ZEB1: variants seen among roughly 807,000 people sequenced by gnomAD.
ZEB1 encodes zinc finger E-box-binding homeobox 1.
Under a neutral mutation model 84.9 loss-of-function variants are expected in ZEB1, and 21 were observed. The observed-to-expected ratio is 0.25, with a 90% confidence interval of 0.18 to 0.36. The LOEUF (loss-of-function observed/expected upper bound fraction) is 0.36. Among genes scored for constraint, ZEB1 ranks in the 10% least tolerant of loss-of-function variants. The pLI is 1.00. For synonymous variants in ZEB1, 420 were observed against 471.1 expected (o/e 0.89, Z 1.41); for missense variants, 1,104 against 1,330.2 (o/e 0.83, Z 2.65).
At chr10:31,478,802 A>C (rs992564635) in intron 2 of ZEB1, among the ~76,000 whole-genome samples, 2 of 151,924 alleles carry the variant, frequency 1.3e-5, no homozygotes, top group East Asian at 1.9e-4. Flanking sequence ...TGGGAGCTAA[A>C]CAGTGGTTAC....
At chr10:31,454,239 C>G (rs930186017) in intron 1 of ZEB1, among the ~76,000 whole-genome samples, 4 of 152,012 alleles carry the variant, frequency 2.6e-5, no homozygotes, top group African/African-American at 9.7e-5. Flanking sequence ...TCCACGAGCT[C>G]TAGGTATTGA....
chr10:31,502,725 A>G (rs2068338160), intron 4 of ZEB1, among the ~76,000 whole-genome samples: 1 of 152,196 alleles, frequency 6.6e-6, no homozygotes, highest in African/African-American at 2.4e-5. Flanking sequence ...TAGTAATGCC[A>G]CTGCACGTGA....
At chr10:31,366,612 T>C (rs546491768) in intron 1 of ZEB1, among the ~76,000 whole-genome samples, 65 of 152,348 alleles carry the variant, frequency 4.3e-4, no homozygotes, top group African/African-American at 1.1e-3. Context: ...CTTTCCAGTG[T>C]TGGCAAATAT....
Position 31,512,763 on chromosome 10 carries a change from G to A in ZEB1, c.688-1840G>A, listed in dbSNP as rs772477911. ...AAAAATACAGCAGGATAAGAGGATA[G>A]AAAGTGATGAAAGCTGCTAGGTTTC... On this transcript the variant is annotated intron_variant, in intron 5 of 8. Transcript: ENST00000424869. Among the ~76,000 whole-genome samples, 61 of 152,168 alleles carry A rather than the reference G, an allele frequency of 4.0e-4. 1 individual carries two copies. The highest frequency in any genetic ancestry group is 3.9e-4 in the Admixed American group (6 of 15,272).
rs756379165 is a variant in ZEB1, at chr10:31,337,683, G to GTTTTTTT, written c.58+18407_58+18413dup. On this transcript the variant is annotated intron_variant, in intron 1 of 8. Transcript: ENST00000424869. ...AGATAAAGCTTAATAATTTCTTTCT[G>GTTTTTTT]TTTTTTTTTTTTTTTTTTTTTTGAT... Among the ~76,000 whole-genome samples, 209 of 98,786 alleles carry GTTTTTTT rather than the reference G, an allele frequency of 2.1e-3. 4 individuals are homozygous for GTTTTTTT. The highest frequency in any genetic ancestry group is 5.1e-3 in the African/African-American group (119 of 23,114). 64.8% of individuals were successfully genotyped at this position (98,786 alleles called of 152,430 possible).
intron 1 of ZEB1, among the ~76,000 whole-genome samples, chr10:31,341,166 G>T (rs1336517442): frequency 6.6e-6 from 1 of 152,126 alleles, no homozygotes; most frequent in Admixed American, 6.6e-5. Context: ...TCTGATAGCT[G>T]ATGTGAAGGA....
At chr10:31,387,708 T>C in intron 1 of ZEB1, 1 of 976,338 alleles carries the variant, frequency 1.0e-6, no homozygotes, top group Non-Finnish European at 1.2e-6. Context: ...CTGTATCTTA[T>C]CTTTACTTCA....
chr10:31,395,666 A>G (rs1448788354), intron 1 of ZEB1, among the ~76,000 whole-genome samples: 1 of 152,192 alleles, frequency 6.6e-6, no homozygotes, highest in Non-Finnish European at 1.5e-5. Flanking sequence ...AGCAGGTTGA[A>G]TGCACCTGAT....
At position 31,446,938 on chromosome 10, in the gene ZEB1, T is replaced by G. The variant is rs191021335; in HGVS notation, c.59-14099T>G. Among the ~76,000 whole-genome samples, 190 of 152,242 alleles carry G rather than the reference T, an allele frequency of 1.2e-3. 2 individuals are homozygous for G. In the East Asian group the frequency reaches 0.026, roughly 21 times the overall value. On this transcript the variant is annotated intron_variant, in intron 1 of 8. Coordinates refer to ENST00000424869, the MANE Select transcript of ZEB1 (RefSeq NM_001174096.2). ...TAGATGTCTATTAGGTCTGCTTGGTTCAGAGCTGAGTTCAATTCCCTGGGT... is the reference window on the plus strand; with the variant it reads ...TAGATGTCTATTAGGTCTGCTTGGTGCAGAGCTGAGTTCAATTCCCTGGGT...
At chr10:31,497,453 C>T (rs1195127847) in intron 3 of ZEB1, among the ~76,000 whole-genome samples, 1 of 152,044 alleles carries the variant, frequency 6.6e-6, no homozygotes, top group Non-Finnish European at 1.5e-5. Context: ...GTAAAATCTC[C>T]CCCACGTACA....
chr10:31,486,311 T>C (rs1222498823), intron 2 of ZEB1, among the ~76,000 whole-genome samples: 1 of 151,744 alleles, frequency 6.6e-6, no homozygotes, highest in African/African-American at 2.4e-5. Flanking sequence ...CTGCCAAACT[T>C]TTCCAGAGTG....
At chr10:31,460,230 A>G (rs1175689131) in intron 1 of ZEB1, among the ~76,000 whole-genome samples, 1 of 152,088 alleles carries the variant, frequency 6.6e-6, no homozygotes, top group African/African-American at 2.4e-5. Flanking sequence ...TCTATGAACT[A>G]TAGAAATCAC....
chr10:31,340,855 A>G (rs2039215637), intron 1 of ZEB1, among the ~76,000 whole-genome samples: 1 of 152,116 alleles, frequency 6.6e-6, no homozygotes, highest in Non-Finnish European at 1.5e-5. Flanking sequence ...GAGCATTGAA[A>G]TGAGAGGGCC....
At chr10:31,319,414 G>T (rs1038053400) in intron 1 of ZEB1, 122 bp downstream of exon 1, 1 of 986,934 alleles carries the variant, frequency 1.0e-6, no homozygotes, top group Non-Finnish European at 1.5e-6. Flanking sequence ...GCAAAGTGGA[G>T]TGGGAAAGTA....
Position 31,520,607 on chromosome 10 carries a change from A to G in ZEB1, c.1275A>G (p.Val425=), listed in dbSNP as rs1424544777. The G allele has an allele frequency of 6.2e-7, 1 of 1,614,032 alleles. No homozygotes were observed. The highest frequency in any genetic ancestry group is 8.5e-7 in the Non-Finnish European group (1 of 1,179,984). The change falls in exon 7 of 9, where the codon GTA becomes GTG. Residue 425 remains valine (V), a synonymous_variant. Coordinates refer to ENST00000424869, the MANE Select transcript of ZEB1 (RefSeq NM_001174096.2). The surrounding 1 kb of genome is among the most constrained non-coding windows in gnomAD (Gnocchi z 5.1). ...NVLKVAVDGN[V]IRQVLENNQA... ...TTAAAGTGGCGGTAGATGGTAATGTAATAAGGCAAGTGTTGGAGAATAATC... is the reference window on the plus strand; with the variant it reads ...TTAAAGTGGCGGTAGATGGTAATGTGATAAGGCAAGTGTTGGAGAATAATC...
intron 5 of ZEB1, among the ~76,000 whole-genome samples, chr10:31,511,903 AAAT>A (rs2070115933): frequency 6.6e-6 from 1 of 152,206 alleles, no homozygotes; most frequent in Non-Finnish European, 1.5e-5. Context: ...AGTACTCATG[AAAT>A]AACAAGATAA....
intron 1 of ZEB1, among the ~76,000 whole-genome samples, chr10:31,335,064 C>T (rs926877173): frequency 3.9e-5 from 6 of 151,990 alleles, no homozygotes; most frequent in Non-Finnish European, 7.4e-5. Flanking sequence ...TAACTCAGAC[C>T]TATGTACAAA....
At chr10:31,481,366 C>T (rs1408306399) in intron 2 of ZEB1, among the ~76,000 whole-genome samples, 1 of 151,928 alleles carries the variant, frequency 6.6e-6, no homozygotes, top group Non-Finnish European at 1.5e-5. Flanking sequence ...TAGTAGTGAA[C>T]ATAGATAATA....
At chr10:31,365,419 G>T (rs2044265830) in intron 1 of ZEB1, among the ~76,000 whole-genome samples, 1 of 151,966 alleles carries the variant, frequency 6.6e-6, no homozygotes, top group Non-Finnish European at 1.5e-5. Flanking sequence ...TTGGAGAATT[G>T]AAACCATCTA....
Sources: gnomAD v4.1 joint callset for allele counts (sites outside exome capture counted in the v4.1 genomes callset) on GRCh38, gnomAD v4.1.1 for gene constraint, Gnocchi (gnomAD v3.1) non-coding constraint, MANE v1.5 for transcripts, NCBI Gene and HGNC (gene_info 2026-07-23, HGNC 2026-07-21) for gene names.